Variants in DLGAP2 observed in about 807,000 individuals in gnomAD.
DLGAP2 encodes disks large-associated protein 2.
In DLGAP2, 26 loss-of-function variants were observed where a neutral mutation model predicts 100.3. The observed-to-expected ratio is 0.26, with a 90% CI of 0.19 to 0.36. The LOEUF is 0.36. DLGAP2 is among the 10% of genes least tolerant of loss of function. DLGAP2 has a pLI of 1.00. For synonymous variants in DLGAP2, 886 were observed against 630.1 expected, an observed-to-expected ratio of 1.41 and a Z score of -6.08; for missense variants, 1,858 against 1,453.2, an observed-to-expected ratio of 1.28 and a Z score of -4.53.
At chr8:1,547,544 G>C (rs909072847) in intron 4 of DLGAP2, among the ~76,000 whole-genome samples, 47 of 152,126 alleles carry the variant, frequency 3.1e-4, no homozygotes, top group African/African-American at 9.9e-4. Flanking sequence ...GAAGGAGGAA[G>C]GTGTGAGTGC....
intron 2 of DLGAP2, among the ~76,000 whole-genome samples, chr8:1,245,661 A>G (rs920266135): frequency 2.0e-5 from 3 of 152,198 alleles, no homozygotes; most frequent in East Asian, 3.9e-4. Flanking sequence ...GATTGTGGGG[A>G]TGGCTGCACA....
chr8:1,592,476 C>T (rs773198321), intron 6 of DLGAP2, among the ~76,000 whole-genome samples: 4 of 151,972 alleles, frequency 2.6e-5, no homozygotes, highest in Non-Finnish European at 5.9e-5. Flanking sequence ...TCCTGTTGCA[C>T]ATTTGCCCCC....
At chr8:1,576,203 T>C (rs1357325969) in intron 6 of DLGAP2, among the ~76,000 whole-genome samples, 5 of 152,246 alleles carry the variant, frequency 3.3e-5, no homozygotes, top group Non-Finnish European at 7.3e-5. Context: ...TTGATTTGCA[T>C]TTCTCTGATG....
At chr8:973,662 C>T (rs530956140) in intron 2 of DLGAP2, among the ~76,000 whole-genome samples, 1 of 152,264 alleles carries the variant, frequency 6.6e-6, no homozygotes, top group Non-Finnish European at 1.5e-5. Flanking sequence ...GCACTCCAGC[C>T]TCTGCTTTTT....
chr8:923,481 A>C (rs932464908), intron 2 of DLGAP2, among the ~76,000 whole-genome samples: 4 of 152,372 alleles, frequency 2.6e-5, no homozygotes, highest in African/African-American at 9.6e-5. Flanking sequence ...TGGAGATGCC[A>C]ATATGCTTAA....
intron 2 of DLGAP2, among the ~76,000 whole-genome samples, chr8:1,250,967 G>A (rs1799026360): frequency 1.3e-5 from 2 of 152,186 alleles, no homozygotes; most frequent in Admixed American, 1.3e-4. Flanking sequence ...CTCGGTACGT[G>A]GCACAGTGGT....
intron 3 of DLGAP2, among the ~76,000 whole-genome samples, chr8:1,443,727 C>T (rs914322532): frequency 6.6e-6 from 1 of 152,114 alleles, no homozygotes; most frequent in African/African-American, 2.4e-5. Flanking sequence ...GTGAGACTTA[C>T]TACCATGAGA....
intron 2 of DLGAP2, among the ~76,000 whole-genome samples, chr8:1,034,059 C>T (rs868150856): frequency 3.8e-4 from 26 of 68,378 alleles, no homozygotes; most frequent in African/African-American, 6.2e-4. Flanking sequence ...CGTGTCACCG[C>T]GAGTGGGTTC....
chr8:794,881 T>C (rs1052919947), intron 1 of DLGAP2, among the ~76,000 whole-genome samples: 4 of 152,180 alleles, frequency 2.6e-5, no homozygotes, highest in African/African-American at 9.6e-5. Flanking sequence ...CGGGTATTTC[T>C]AGCTGCAGGA....
chr8:1,650,599 T>C (rs1277053221), intron 8 of DLGAP2, among the ~76,000 whole-genome samples: 3 of 152,262 alleles, frequency 2.0e-5, no homozygotes, highest in Non-Finnish European at 2.9e-5. Flanking sequence ...CAGAAAAAGA[T>C]ACTGGGTGCT....
At chr8:1,591,560 C>A (rs1230380939) in intron 6 of DLGAP2, among the ~76,000 whole-genome samples, 7 of 144,128 alleles carry the variant, frequency 4.9e-5, no homozygotes, top group African/African-American at 1.8e-4. Context: ...CCACTGTTCA[C>A]CCCTGCAGCC....
chr8:1,301,614 C>T (rs558694817), intron 3 of DLGAP2: 9 of 152,248 alleles, frequency 5.9e-5, no homozygotes, highest in African/African-American at 2.2e-4. Flanking sequence ...CTGATGGACT[C>T]TGGGAGAGGG....
At chr8:1,028,006 C>G (rs1249415918) in intron 2 of DLGAP2, among the ~76,000 whole-genome samples, 8 of 105,000 alleles carry the variant, frequency 7.6e-5, no homozygotes, top group East Asian at 3.0e-4. Context: ...TCTCCAGGAG[C>G]AGTGCCAGGT....
At chr8:1,534,329 G>T (rs1801082282) in intron 4 of DLGAP2, among the ~76,000 whole-genome samples, 1 of 152,274 alleles carries the variant, frequency 6.6e-6, no homozygotes, top group African/African-American at 2.4e-5. Flanking sequence ...AATGAGATTA[G>T]GTTTACAACT....
At chr8:1,682,345 T>C (rs1271512170) in intron 12 of DLGAP2, among the ~76,000 whole-genome samples, 2 of 152,248 alleles carry the variant, frequency 1.3e-5, no homozygotes, top group African/African-American at 2.4e-5. Context: ...TGGTAAGTCC[T>C]GGTTTTCTGT....
chr8:1,644,444 G>A (rs1018140317), intron 8 of DLGAP2, among the ~76,000 whole-genome samples: 4 of 152,162 alleles, frequency 2.6e-5, no homozygotes, highest in South Asian at 2.1e-4. Flanking sequence ...ATGCCTCTAC[G>A]GCTGCTGCTC....
intron 1 of DLGAP2, among the ~76,000 whole-genome samples, chr8:850,110 G>C (rs1797158386): frequency 1.3e-5 from 2 of 150,258 alleles, no homozygotes; most frequent in South Asian, 4.2e-4. Flanking sequence ...GTTTGGTTTT[G>C]AGACTTCCCT....
intron 3 of DLGAP2, among the ~76,000 whole-genome samples, chr8:1,467,648 A>T (rs1484372388): frequency 6.6e-6 from 1 of 152,008 alleles, no homozygotes; most frequent in Non-Finnish European, 1.5e-5. Flanking sequence ...ACCTTCCCAT[A>T]AGCCTGCACA....
intron 1 of DLGAP2, among the ~76,000 whole-genome samples, chr8:882,140 G>A (rs367650384): frequency 2.0e-4 from 31 of 152,244 alleles, no homozygotes; most frequent in African/African-American, 7.0e-4. Context: ...TAAGAGAGGC[G>A]TCAGTGATGC....
Sources: allele counts gnomAD v4.1 joint callset (sites outside exome capture counted in the v4.1 genomes callset), GRCh38; gene constraint gnomAD v4.1.1; transcripts MANE v1.5; gene names NCBI Gene and HGNC (gene_info 2026-07-23, HGNC 2026-07-21).